Variants in CSMD3 observed in about 807,000 individuals in gnomAD.
The protein encoded by CSMD3 is CUB and Sushi multiple domains 3.
Under a neutral mutation model 435.2 loss-of-function variants are expected in CSMD3, and 177 were observed. The ratio of observed to expected loss-of-function variants is 0.41; its 90% confidence interval spans 0.36 to 0.46. The LOEUF is 0.46. Among genes scored for constraint, CSMD3 ranks in the 20% least tolerant of loss-of-function variants. CSMD3 has a pLI of 0.34. For missense variants in CSMD3, 4,265 were observed against 4,504.6 expected (o/e 0.95, Z 1.52); for synonymous variants, 1,656 against 1,520.5 (o/e 1.09, Z -2.07).
intron 13 of CSMD3, among the ~76,000 whole-genome samples, chr8:112,770,325 C>A (rs923356842): frequency 6.6e-6 from 1 of 151,894 alleles, no homozygotes; most frequent in African/African-American, 2.4e-5. Flanking sequence ...TTTTTCTTGA[C>A]CCTTCCACCT....
Position 112,549,854 on chromosome 8 carries a change from C to T in CSMD3, c.4564+817G>A, listed in dbSNP as rs560841036. 2.8e-4 allele frequency among the ~76,000 whole-genome samples: 42 copies of T among 151,872 alleles called. No individual in the cohort carries two copies. In the South Asian group the frequency reaches 6.2e-3, roughly 23 times the overall value. ...TAGTAAACAGCCAGAATTTGAATTCCGACACATTTGAAGAGTACTGGTTTT... is the reference window on the plus strand; with the variant it reads ...TAGTAAACAGCCAGAATTTGAATTCTGACACATTTGAAGAGTACTGGTTTT... On this transcript the variant is annotated intron_variant, in intron 27 of 70. Transcript: ENST00000297405.
At position 112,222,983 on chromosome 8, in the gene CSMD3, A is replaced by C; in HGVS notation, c.*1788T>G. On this transcript the variant is annotated 3_prime_UTR_variant, in exon 71 of 71. Transcript: ENST00000297405. ...TGTTTACATTGCACTGAAAATTTACATCATACTTTTACAAAGTTTCTTTTC... is the reference window on the plus strand; with the variant it reads ...TGTTTACATTGCACTGAAAATTTACCTCATACTTTTACAAAGTTTCTTTTC... 2.5e-6 allele frequency: 1 copy of C among 397,726 alleles called. No homozygotes were observed. Among genetic ancestry groups the C allele is most frequent in the Non-Finnish European group, 4.4e-6 (1 of 225,166 alleles). 24.6% of individuals were successfully genotyped at this position (397,726 alleles called of 1,614,324 possible).
chr8:113,055,270 C>T (rs918514924), intron 5 of CSMD3, among the ~76,000 whole-genome samples: 1 of 152,202 alleles, frequency 6.6e-6, no homozygotes, highest in African/African-American at 2.4e-5. Flanking sequence ...CTTCCTCAGC[C>T]TCCTGAGTAG....
At chr8:113,156,777 T>G (rs113916464) in intron 4 of CSMD3, among the ~76,000 whole-genome samples, 1 of 144,514 alleles carries the variant, frequency 6.9e-6, no homozygotes, top group Non-Finnish European at 1.5e-5. Context: ...AATAAATAAA[T>G]AAAGTTAGCC....
intron 65 of CSMD3, among the ~76,000 whole-genome samples, chr8:112,243,028 A>G (rs1452011577): frequency 6.6e-6 from 1 of 152,118 alleles, no homozygotes; most frequent in Non-Finnish European, 1.5e-5. Context: ...ACATTTACTC[A>G]TTCAACAAAT....
At chr8:112,775,778 C>T (rs1450539520) in intron 13 of CSMD3, among the ~76,000 whole-genome samples, 2 of 151,784 alleles carry the variant, frequency 1.3e-5, no homozygotes, top group Non-Finnish European at 2.9e-5. Context: ...CCTAAGCACC[C>T]ATTGTGTGTT....
intron 4 of CSMD3, among the ~76,000 whole-genome samples, chr8:113,154,168 G>A (rs1321845225): frequency 6.6e-6 from 1 of 151,920 alleles, no homozygotes; most frequent in East Asian, 1.9e-4. Context: ...GTTATTTACT[G>A]CTTTTAAGAG....
intron 3 of CSMD3, among the ~76,000 whole-genome samples, chr8:113,258,264 C>T (rs993123884): frequency 1.5e-4 from 23 of 152,108 alleles, no homozygotes; most frequent in African/African-American, 5.1e-4. Flanking sequence ...GTATTCCATG[C>T]CATTTTTACT....
intron 5 of CSMD3, among the ~76,000 whole-genome samples, chr8:113,034,951 T>C (rs553172957): frequency 6.6e-5 from 10 of 152,118 alleles, no homozygotes; most frequent in African/African-American, 2.2e-4. Context: ...AATAGACAAG[T>C]CTACAACTAC....
chr8:113,133,730 G>T (rs995580347), intron 4 of CSMD3, among the ~76,000 whole-genome samples: 1 of 152,014 alleles, frequency 6.6e-6, no homozygotes, highest in African/African-American at 2.4e-5. Flanking sequence ...TATATATATA[G>T]AATGGAATAT....
intron 44 of CSMD3, among the ~76,000 whole-genome samples, chr8:112,336,348 T>C (rs1166428400): frequency 7.9e-5 from 12 of 152,204 alleles, no homozygotes; most frequent in Admixed American, 7.2e-4. Flanking sequence ...AGAACTTCCA[T>C]ACCTTAAACT....
intron 6 of CSMD3, among the ~76,000 whole-genome samples, chr8:112,983,055 T>C (rs1388575615): frequency 6.6e-6 from 1 of 152,036 alleles, no homozygotes; most frequent in African/African-American, 2.4e-5. Flanking sequence ...CATCTGCTTC[T>C]TCTATCTCCC....
intron 1 of CSMD3, among the ~76,000 whole-genome samples, chr8:113,373,526 A>G (rs2094359804): frequency 6.6e-6 from 1 of 151,958 alleles, no homozygotes; most frequent in East Asian, 1.9e-4. Flanking sequence ...AGCTTACATT[A>G]TATGTGTATA....
At chr8:113,266,638 TAATA>T (rs1397346065) in intron 3 of CSMD3, among the ~76,000 whole-genome samples, 2 of 151,664 alleles carry the variant, frequency 1.3e-5, no homozygotes, top group African/African-American at 4.8e-5. Context: ...ATAAATAACT[TAATA>T]AATGTTTCTT....
intron 4 of CSMD3, among the ~76,000 whole-genome samples, chr8:113,104,818 G>A (rs1185266288): frequency 1.3e-5 from 2 of 152,018 alleles, no homozygotes; most frequent in Non-Finnish European, 2.9e-5. Flanking sequence ...TATTCACTGA[G>A]ATAAACACCT....
chr8:113,373,492 A>T (rs1322085574), intron 1 of CSMD3, among the ~76,000 whole-genome samples: 1 of 152,022 alleles, frequency 6.6e-6, no homozygotes, highest in Admixed American at 6.6e-5. Flanking sequence ...ATATGTATAT[A>T]AATGCACACA....
rs2084819725 is a variant in CSMD3, at chr8:112,975,712, C to A, written c.1342+125G>T. ...TGTTACTATCCATATTTTTCAGCTA[C>A]TTTGAACTTTTTCTTTTGCTTTCTA... is the stretch of plus-strand genomic sequence containing the variant. On this transcript the variant is annotated intron_variant, in intron 7 of 70. Coordinates refer to ENST00000297405, the MANE Select transcript of CSMD3 (RefSeq NM_198123.2). The A allele has an allele frequency of 4.8e-6, 7 of 1,458,226 alleles. No homozygotes were observed. In the South Asian group the frequency reaches 8.9e-5, roughly 18 times the overall value. 90.3% of individuals were successfully genotyped at this position (1,458,226 alleles called of 1,614,324 possible). A position where few individuals can be genotyped will look rare whatever the true frequency, so the allele number is the denominator to read the frequency against.
intron 3 of CSMD3, among the ~76,000 whole-genome samples, chr8:113,191,056 T>C (rs1258426889): frequency 6.6e-6 from 1 of 151,846 alleles, no homozygotes; most frequent in Non-Finnish European, 1.5e-5. Flanking sequence ...GTTCTTGATA[T>C]TAGATTCAAC....
chr8:112,321,779 C>T (rs12681118), intron 45 of CSMD3, among the ~76,000 whole-genome samples: 101,679 of 151,988 alleles, frequency 0.67, 35,804 homozygotes, highest in African/African-American at 0.89. Flanking sequence ...TGGATGTTAA[C>T]TTGCAAGTAA....
Sources: allele counts gnomAD v4.1 joint callset (sites outside exome capture counted in the v4.1 genomes callset), GRCh38; gene constraint gnomAD v4.1.1; transcripts MANE v1.5; gene names NCBI Gene and HGNC (gene_info 2026-07-23, HGNC 2026-07-21).